PRPSAP1: variants seen among roughly 807,000 people sequenced by gnomAD.
PRPSAP1 encodes phosphoribosyl pyrophosphate synthetase associated protein 1, also known as phosphoribosyl pyrophosphate synthase-associated protein 1.
In PRPSAP1, 31 loss-of-function variants were observed where a neutral mutation model predicts 39.4. The ratio of observed to expected loss-of-function variants is 0.79; its 90% CI spans 0.59 to 1.06. The LOEUF (loss-of-function observed/expected upper bound fraction) is 1.06, where lower values mean the gene tolerates loss of function less well. PRPSAP1 is among the 50% of genes least tolerant of loss of function. PRPSAP1 has a pLI of 0.00. For synonymous variants in PRPSAP1, 212 were observed against 192.6 expected (o/e 1.10, Z -0.83); for missense variants, 430 against 511.6 (o/e 0.84, Z 1.54).
chr17:76,349,186 C>T (rs926241641), intron 1 of PRPSAP1, among the ~76,000 whole-genome samples: 1 of 151,876 alleles, frequency 6.6e-6, no homozygotes, highest in African/African-American at 2.4e-5. Flanking sequence ...TGCCTGTAAT[C>T]TCAGCTACTA....
chr17:76,353,398 T>C (rs1306903569), intron 1 of PRPSAP1, 136 bp downstream of exon 1: 1 of 901,170 alleles, frequency 1.1e-6, no homozygotes, highest in Non-Finnish European at 1.6e-6. Context: ...CCTCCAAGCT[T>C]TGTCCGGCTG....
At chr17:76,316,015 T>A (rs2071119470) in intron 7 of PRPSAP1, among the ~76,000 whole-genome samples, 1 of 148,976 alleles carries the variant, frequency 6.7e-6, no homozygotes, top group Admixed American at 6.7e-5. Context: ...CTGTCTCTAC[T>A]AAAAATATAA....
At chr17:76,328,215 G>GC (rs1300072693) in intron 7 of PRPSAP1, among the ~76,000 whole-genome samples, 1 of 149,302 alleles carries the variant, frequency 6.7e-6, no homozygotes, top group African/African-American at 2.5e-5. Context: ...GCGGAGGATA[G>GC]CAAATACCAT....
chr17:76,320,153 C>A (rs1330014471), intron 7 of PRPSAP1, among the ~76,000 whole-genome samples: 2 of 151,672 alleles, frequency 1.3e-5, no homozygotes, highest in African/African-American at 2.4e-5. Context: ...GCCTGTAATC[C>A]CAGAAACTTG....
intron 2 of PRPSAP1, among the ~76,000 whole-genome samples, chr17:76,346,373 C>T (rs2071501285): frequency 6.6e-6 from 1 of 152,184 alleles, no homozygotes; most frequent in African/African-American, 2.4e-5. Flanking sequence ...CTTTGACACA[C>T]ATGGCCACCT....
At chr17:76,320,344 G>GAAGA (rs1272728536) in intron 7 of PRPSAP1, among the ~76,000 whole-genome samples, 14 of 127,636 alleles carry the variant, frequency 1.1e-4, no homozygotes, top group African/African-American at 5.1e-4. Context: ...AGGGAGGGAG[G>GAAGA]AAGGAAGGAA....
Position 76,353,880 on chromosome 17 carries a change from T to C in PRPSAP1, c.-177A>G. On this transcript the variant is annotated 5_prime_UTR_variant, in exon 1 of 10. Coordinates refer to ENST00000446526, the MANE Select transcript of PRPSAP1 (RefSeq NM_002766.3). ...ACCACTGACTACAGCGGCCGAGCCTTCGCAGCGCCCGGCGCCGCCGCCTCA... is the reference window on the plus strand; with the variant it reads ...ACCACTGACTACAGCGGCCGAGCCTCCGCAGCGCCCGGCGCCGCCGCCTCA... The C allele has an allele frequency of 1.5e-6, 2 of 1,309,246 alleles. No homozygotes were observed. The highest frequency in any genetic ancestry group is 1.9e-6 in the Non-Finnish European group (2 of 1,032,912). 81.1% of individuals were successfully genotyped at this position (1,309,246 alleles called of 1,614,324 possible). A position where few individuals can be genotyped will look rare whatever the true frequency, so the allele number is the denominator to read the frequency against.
At chr17:76,320,606 T>TG (rs1412920265) in intron 7 of PRPSAP1, among the ~76,000 whole-genome samples, 2 of 150,228 alleles carry the variant, frequency 1.3e-5, no homozygotes, top group African/African-American at 4.9e-5. Flanking sequence ...TTTTTTTTTT[T>TG]GTATTTCTAG....
chr17:76,311,832 T>C, intron 9 of PRPSAP1, 132 bp from the exon 10 acceptor site: 1 of 1,069,288 alleles, frequency 9.4e-7, no homozygotes, highest in South Asian at 1.8e-5. Flanking sequence ...TTCCACCGAG[T>C]ATAGTTTTTA....
chr17:76,338,573 T>C (rs1000348129), intron 3 of PRPSAP1, among the ~76,000 whole-genome samples: 27 of 151,556 alleles, frequency 1.8e-4, no homozygotes, highest in Non-Finnish European at 2.9e-5. Context: ...TGTGGTGGTG[T>C]GCACCTGTAA....
chr17:76,335,512 T>A (rs2071368481), intron 3 of PRPSAP1, among the ~76,000 whole-genome samples: 2 of 152,066 alleles, frequency 1.3e-5, no homozygotes, highest in South Asian at 4.1e-4. Flanking sequence ...CCCACCACCA[T>A]GCCCAGCTAA....
At chr17:76,347,166 G>A (rs1294730548) in intron 2 of PRPSAP1, among the ~76,000 whole-genome samples, 2 of 151,664 alleles carry the variant, frequency 1.3e-5, no homozygotes, top group Non-Finnish European at 2.9e-5. Flanking sequence ...GCCAAGCAGA[G>A]GGGCAGGCAG....
intron 4 of PRPSAP1, among the ~76,000 whole-genome samples, chr17:76,331,013 C>A (rs969607258): frequency 6.6e-6 from 1 of 152,088 alleles, no homozygotes; most frequent in Non-Finnish European, 1.5e-5. Context: ...ATTACAGAAT[C>A]TTAAAAGAAA....
At chr17:76,328,928 T>C in intron 6 of PRPSAP1, 66 bp from the exon 7 acceptor site, 1 of 1,498,254 alleles carries the variant, frequency 6.7e-7, no homozygotes, top group East Asian at 2.3e-5. Flanking sequence ...ACGGCATCAT[T>C]TTTTAACCAT....
rs1211427847 is a variant in PRPSAP1 at position 76,332,312 on chromosome 17, C to A, written c.414G>T (p.Lys138Asn). 2.5e-6 allele frequency: 4 copies of A among 1,614,050 alleles called. No individual in the cohort carries two copies. In the Admixed American group the frequency reaches 6.7e-5, roughly 27 times the overall value. ...GCAGCTTGCACACAATGGAACCCCT[C>A]TTCCTCATCTTGCTCTGCTTGCTGT... is the stretch of plus-strand genomic sequence containing the variant. Reference protein sequence around the residue: ...FPYSKQSKMRKRGSIVCKLLA... With the variant: ...FPYSKQSKMRNRGSIVCKLLA... The change falls in exon 4 of 10, where the codon AAG becomes AAT. Residue 138 changes from lysine (K) to asparagine (N), a missense_variant. Lys to Asn is a moderately conservative substitution (Grantham distance 94). Transcript: ENST00000446526.
chr17:76,347,277 A>C (rs1187617604), intron 2 of PRPSAP1, among the ~76,000 whole-genome samples: 1 of 151,848 alleles, frequency 6.6e-6, no homozygotes, highest in African/African-American at 2.4e-5. Context: ...ACCTGAGGTC[A>C]GGAGTTCAAG....
intron 3 of PRPSAP1, among the ~76,000 whole-genome samples, chr17:76,335,506 C>A (rs1003911863): frequency 1.3e-5 from 2 of 152,090 alleles, no homozygotes; most frequent in African/African-American, 2.4e-5. Context: ...CAGGCACCCA[C>A]CACCATGCCC....
At chr17:76,346,647 A>G (rs1314673636) in intron 2 of PRPSAP1, among the ~76,000 whole-genome samples, 2 of 152,198 alleles carry the variant, frequency 1.3e-5, no homozygotes, top group Non-Finnish European at 2.9e-5. Context: ...ACTTCCGGAA[A>G]GTCAGGGTCA....
At chr17:76,317,437 T>C (rs1024138488) in intron 7 of PRPSAP1, among the ~76,000 whole-genome samples, 13 of 152,182 alleles carry the variant, frequency 8.5e-5, no homozygotes, top group East Asian at 1.9e-4. Context: ...GGCAGGAGAA[T>C]TGCTTGAACC....
Sources: gnomAD v4.1 joint callset for allele counts (sites outside exome capture counted in the v4.1 genomes callset) on GRCh38, gnomAD v4.1.1 for gene constraint, MANE v1.5 for transcripts, NCBI Gene and HGNC (gene_info 2026-07-23, HGNC 2026-07-21) for gene names.